The following DYNLRB2 variants were observed in gnomAD, a reference collection of about 807,000 sequenced individuals.
DYNLRB2 encodes bithoraxoid-like protein.
In DYNLRB2, 14 loss-of-function variants were observed where a neutral mutation model predicts 12.6. The observed-to-expected ratio is 1.11, with a 90% CI of 0.73 to 1.73. The LOEUF is 1.73. Ranked by LOEUF, DYNLRB2 falls within the 40% of genes most tolerant of loss-of-function variation. The pLI, the probability that DYNLRB2 is intolerant of heterozygous loss-of-function variation, is 0.00. For missense variants in DYNLRB2, 142 were observed against 117.7 expected, an observed-to-expected ratio of 1.21 and a Z score of -0.95; for synonymous variants, 53 against 37.0, an observed-to-expected ratio of 1.43 and a Z score of -1.57.
At position 80,550,560 on chromosome 16, in the gene DYNLRB2, C is replaced by A. The variant is rs1379336673; in HGVS notation, c.*2C>A. 1 of 1,614,040 alleles carries A rather than the reference C, an allele frequency of 6.2e-7. No homozygotes were observed. The highest frequency in any genetic ancestry group is 8.5e-7 in the Non-Finnish European group (1 of 1,180,030). On this transcript the variant is annotated 3_prime_UTR_variant, in exon 4 of 4. Coordinates refer to ENST00000305904, the MANE Select transcript of DYNLRB2 (RefSeq NM_130897.3). ...GTCATTCAGAATCCATGTGAATAGA[C>A]CTGCGATGGCCAAGGCTGTTTAAGC...
chr16:80,546,771 A>T (rs893100166), intron 2 of DYNLRB2, among the ~76,000 whole-genome samples: 6 of 152,228 alleles, frequency 3.9e-5, no homozygotes, highest in African/African-American at 1.4e-4. Flanking sequence ...CATTTCTAAC[A>T]ATCTATCATT....
At chr16:80,549,708 G>C in intron 3 of DYNLRB2, 57 bp downstream of exon 3, 1 of 1,509,074 alleles carries the variant, frequency 6.6e-7, no homozygotes, top group Non-Finnish European at 9.0e-7. Context: ...TAGATTAAAA[G>C]CCTTGTTTCT....
chr16:80,547,896 C>T, intron 2 of DYNLRB2: 1 of 452,280 alleles, frequency 2.2e-6, no homozygotes, highest in South Asian at 1.6e-5. Context: ...TAAATATTAT[C>T]CTCATACTGT....
intron 2 of DYNLRB2, among the ~76,000 whole-genome samples, chr16:80,547,174 T>C (rs377570221): frequency 4.7e-4 from 71 of 152,330 alleles, no homozygotes; most frequent in East Asian, 3.5e-3. Context: ...GAGTGACTTA[T>C]GTGTACTGAA....
intron 2 of DYNLRB2, chr16:80,547,810 A>G (rs1904572943): frequency 4.4e-6 from 2 of 456,410 alleles, no homozygotes; most frequent in Admixed American, 2.3e-5. Flanking sequence ...CCTTCCAGAG[A>G]AAAAGTGGCC....
At chr16:80,542,266 T>C (rs1411506981) in intron 1 of DYNLRB2, among the ~76,000 whole-genome samples, 1 of 152,204 alleles carries the variant, frequency 6.6e-6, no homozygotes, top group Non-Finnish European at 1.5e-5. Flanking sequence ...TTTAAGCTTT[T>C]AGCAGTGAGA....
chr16:80,541,075 C>T lies in DYNLRB2; in HGVS notation c.-2C>T, dbSNP rs776025182. On this transcript the variant is annotated 5_prime_UTR_variant, in exon 1 of 4. Coordinates refer to ENST00000305904, the MANE Select transcript of DYNLRB2 (RefSeq NM_130897.3). ...TGAGCCCAGAGTTTCGCGGCCTCCG[C>T]GATGGTAAATCTGGGGTCTCCGTCC... The T allele has an allele frequency of 3.1e-6, 5 of 1,607,948 alleles. No homozygotes were observed. In the South Asian group the frequency reaches 3.3e-5, roughly 11 times the overall value.
At chr16:80,548,246 T>C (rs1415720609) in intron 2 of DYNLRB2, 5 of 165,832 alleles carry the variant, frequency 3.0e-5, no homozygotes, top group Admixed American at 6.0e-5. Flanking sequence ...TAAAATAATA[T>C]GAAGGCTATC....
At position 80,549,560 on chromosome 16, in the gene DYNLRB2, A is replaced by G. The variant is rs1904706017; in HGVS notation, c.156A>G (p.Lys52=). The G allele has an allele frequency of 1.2e-6, 2 of 1,613,502 alleles. No homozygotes were observed. Among genetic ancestry groups the G allele is most frequent in the Non-Finnish European group, 1.7e-6 (2 of 1,179,568 alleles). ...GCCTTCTTCATCACCTGACAATGAA[A>G]GCCAAAAGCACAGTTCGTGATATTG... The part of the protein sequence containing the change: ...YAGLLHHLTM[K]AKSTVRDIDP... The change falls in exon 3 of 4, where the codon AAA becomes AAG. Residue 52 remains lysine, a synonymous_variant. Coordinates refer to ENST00000305904, the MANE Select transcript of DYNLRB2 (RefSeq NM_130897.3).
chr16:80,544,526 C>T (rs1365181886), intron 2 of DYNLRB2, among the ~76,000 whole-genome samples: 1 of 152,146 alleles, frequency 6.6e-6, no homozygotes, highest in Non-Finnish European at 1.5e-5. Context: ...AGCCCTAGTA[C>T]GTGGATCTGG....
chr16:80,549,126 A>G (rs185746084), intron 2 of DYNLRB2: 3 of 411,984 alleles, frequency 7.3e-6, no homozygotes, highest in East Asian at 7.0e-5. Flanking sequence ...TATAAAAAAT[A>G]TAAGGTACCA....
intron 2 of DYNLRB2, 127 bp from the exon 3 acceptor site, chr16:80,549,357 C>T: frequency 1.1e-6 from 1 of 935,358 alleles, no homozygotes; most frequent in Non-Finnish European, 1.5e-6. Flanking sequence ...AAAATTGTTA[C>T]CAGAGAGGGA....
chr16:80,543,393 A>G (rs746842434), intron 2 of DYNLRB2, 42 bp downstream of exon 2: 8 of 1,597,334 alleles, frequency 5.0e-6, no homozygotes, highest in South Asian at 1.1e-5. Context: ...ACAGAAGCCA[A>G]CCAGGAACCT....
At chr16:80,547,906 T>A in intron 2 of DYNLRB2, 3 of 446,314 alleles carry the variant, frequency 6.7e-6, no homozygotes, top group Non-Finnish European at 1.4e-5. Context: ...CCTCATACTG[T>A]TTAGCAAAAC....
intron 2 of DYNLRB2, chr16:80,547,955 C>T: frequency 6.1e-6 from 2 of 326,146 alleles, no homozygotes; most frequent in South Asian, 4.8e-5. Flanking sequence ...AAAGAGAAAT[C>T]AGTCTTCAAA....
chr16:80,546,058 A>G (rs1904446995), intron 2 of DYNLRB2, among the ~76,000 whole-genome samples: 1 of 152,148 alleles, frequency 6.6e-6, no homozygotes, highest in South Asian at 2.1e-4. Context: ...GGTACTTAAG[A>G]GTTTTTACCT....
At chr16:80,544,887 C>T (rs1407964249) in intron 2 of DYNLRB2, 1 of 150,150 alleles carries the variant, frequency 6.7e-6, no homozygotes, top group East Asian at 1.9e-4. Flanking sequence ...ATCTTTGTGT[C>T]TGTCTGTCTG....
chr16:80,550,511 A>G lies in DYNLRB2; in HGVS notation c.248-4A>G, dbSNP rs375526337. 8 of 1,614,172 alleles carry G rather than the reference A, an allele frequency of 5.0e-6. No individual in the cohort carries two copies. Among genetic ancestry groups the G allele is most frequent in the East Asian group, 2.2e-5 (1 of 44,878 alleles). On this transcript the variant is annotated splice_region_variant and splice_polypyrimidine_tract_variant and intron_variant, in intron 3 of 3. Transcript: ENST00000305904. ...GTGAATTGATTTTATCCATCTCTCCATAGATAAGGAATATCTTCTGATCGT... is the reference window on the plus strand; with the variant it reads ...GTGAATTGATTTTATCCATCTCTCCGTAGATAAGGAATATCTTCTGATCGT...
chr16:80,543,188 G>C, intron 1 of DYNLRB2, 88 bp from the exon 2 acceptor site: 1 of 1,309,798 alleles, frequency 7.6e-7, no homozygotes, highest in Non-Finnish European at 1.1e-6. Context: ...GGAGATAGGA[G>C]AGTAGGTATC....
Sources: gnomAD v4.1 joint callset for allele counts (sites outside exome capture counted in the v4.1 genomes callset) on GRCh38, gnomAD v4.1.1 for gene constraint, MANE v1.5 for transcripts, NCBI Gene and HGNC (gene_info 2026-07-23, HGNC 2026-07-21) for gene names.